GKAP1: variants seen among roughly 807,000 people sequenced by gnomAD.
GKAP1 encodes G kinase anchoring protein 1.
GKAP1 carries 31 observed loss-of-function variants against 56.7 expected under a neutral mutation model. That is an observed-to-expected ratio of 0.55 (90% confidence interval 0.41 to 0.74). GKAP1 has a LOEUF of 0.74. Among genes scored for constraint, GKAP1 ranks in the 30% least tolerant of loss-of-function variants. The pLI is 0.00. For synonymous variants in GKAP1, 151 were observed against 138.6 expected, an observed-to-expected ratio of 1.09 and a Z score of -0.63; for missense variants, 364 against 402.3, an observed-to-expected ratio of 0.90 and a Z score of 0.82.
intron 7 of GKAP1, among the ~76,000 whole-genome samples, chr9:83,779,471 A>ACACG (rs1564201465): frequency 2.4e-4 from 22 of 93,064 alleles, no homozygotes; most frequent in South Asian, 6.5e-4. Context: ...ACACGCACAT[A>ACACG]TACATATACA....
At chr9:83,804,628 G>T (rs1205978579) in intron 3 of GKAP1, among the ~76,000 whole-genome samples, 1 of 139,534 alleles carries the variant, frequency 7.2e-6, no homozygotes, top group Non-Finnish European at 1.6e-5. Context: ...AGGTGGGGGG[G>T]GTCAGCCCCC....
chr9:83,810,715 G>A (rs116486166), intron 2 of GKAP1, among the ~76,000 whole-genome samples: 1,964 of 152,270 alleles, frequency 0.013, 37 homozygotes, highest in African/African-American at 0.045. Context: ...GATCTCTCTT[G>A]AGTTGTTGTA....
chr9:83,755,068 T>C (rs1943451558), intron 8 of GKAP1, among the ~76,000 whole-genome samples: 2 of 152,172 alleles, frequency 1.3e-5, no homozygotes, highest in South Asian at 4.1e-4. Context: ...ACAATCTAAG[T>C]TTCTAGTTTA....
intron 2 of GKAP1, among the ~76,000 whole-genome samples, chr9:83,811,632 G>T (rs961206597): frequency 2.0e-5 from 3 of 152,160 alleles, no homozygotes; most frequent in African/African-American, 7.2e-5. Context: ...TAACATGTCT[G>T]AAAGGGTACT....
chr9:83,770,474 A>G (rs1303651816), intron 7 of GKAP1, among the ~76,000 whole-genome samples: 2 of 152,072 alleles, frequency 1.3e-5, no homozygotes, highest in East Asian at 3.9e-4. Context: ...TCTTAATCCT[A>G]TTCTATCAAT....
chr9:83,806,620 A>G (rs932470839), intron 2 of GKAP1, 60 bp from the exon 3 acceptor site: 1 of 922,606 alleles, frequency 1.1e-6, no homozygotes, highest in Non-Finnish European at 1.6e-6. Flanking sequence ...TCTGTTGTAG[A>G]TTCTAAAACA....
At chr9:83,799,064 A>G in intron 4 of GKAP1, 121 bp downstream of exon 4, 1 of 780,738 alleles carries the variant, frequency 1.3e-6, no homozygotes, top group Non-Finnish European at 2.1e-6. Context: ...AGCAACAAAT[A>G]TGAATTAATC....
At chr9:83,806,705 G>T in intron 2 of GKAP1, 145 bp from the exon 3 acceptor site, 1 of 548,410 alleles carries the variant, frequency 1.8e-6, no homozygotes, top group South Asian at 2.7e-5. Flanking sequence ...AGCACTATTA[G>T]CAATAACATA....
intron 3 of GKAP1, among the ~76,000 whole-genome samples, chr9:83,805,027 G>C (rs191131197): frequency 0.012 from 1,880 of 152,344 alleles, 40 homozygotes; most frequent in African/African-American, 0.041. Flanking sequence ...GGAATAGAAG[G>C]GGGGGAAAGG....
intron 2 of GKAP1, among the ~76,000 whole-genome samples, chr9:83,809,839 G>A (rs1322639456): frequency 4.6e-5 from 7 of 152,128 alleles, no homozygotes; most frequent in Non-Finnish European, 8.8e-5. Context: ...ACAGGGTCTC[G>A]CTCTGTCGCC....
chr9:83,788,341 T>G (rs1254236025), intron 5 of GKAP1, among the ~76,000 whole-genome samples: 1 of 152,170 alleles, frequency 6.6e-6, no homozygotes, highest in Admixed American at 6.6e-5. Context: ...AATTTTATTC[T>G]CTCTCTTCCC....
intron 12 of GKAP1, 56 bp downstream of exon 12, chr9:83,741,896 A>G: frequency 9.5e-7 from 1 of 1,048,760 alleles, no homozygotes; most frequent in Non-Finnish European, 1.4e-6. Context: ...CTCACACAGT[A>G]TCTACTCCAA....
intron 3 of GKAP1, among the ~76,000 whole-genome samples, chr9:83,800,262 T>C (rs1197455964): frequency 6.6e-6 from 1 of 150,836 alleles, no homozygotes; most frequent in African/African-American, 2.4e-5. Flanking sequence ...ATACTGCCTA[T>C]GAGTTAGCCC....
chr9:83,782,351 T>G (rs991521811), intron 6 of GKAP1, among the ~76,000 whole-genome samples: 6 of 151,534 alleles, frequency 4.0e-5, no homozygotes, highest in African/African-American at 1.5e-4. Context: ...TTTACTAATC[T>G]TGGATTTTTT....
intron 10 of GKAP1, 58 bp downstream of exon 10, chr9:83,748,251 T>G: frequency 8.7e-7 from 1 of 1,153,714 alleles, no homozygotes; most frequent in Non-Finnish European, 1.3e-6. Flanking sequence ...TTTGAAAAAG[T>G]ACCTTCAGAT....
Position 83,813,266 on chromosome 9 carries a change from C to G in GKAP1, c.-44+3730G>C, listed in dbSNP as rs1014004901. Reference sequence around the variant, plus strand: ...TTTATATACACATAATATAATTAAGCCATACAATGCAAATGAAAATACAAT... The same window carrying G: ...TTTATATACACATAATATAATTAAGGCATACAATGCAAATGAAAATACAAT... On this transcript the variant is annotated intron_variant, in intron 2 of 12. Transcript: ENST00000376371. Among the ~76,000 whole-genome samples the G allele has an allele frequency of 1.6e-4, 24 of 152,082 alleles. 1 individual carries two copies. The highest frequency in any genetic ancestry group is 5.6e-4 in the African/African-American group (23 of 41,384).
In GKAP1 at chr9:83,774,697, AC is replaced by A. The variant is rs201169255; in HGVS notation, c.585+5684del. ...CAAAAGAAACTATCAATAAACAGAA[AC>A]CCCCTTTTTTTTTTTTTTTTTTTTT... On this transcript the variant is annotated intron_variant, in intron 7 of 12. Coordinates refer to ENST00000376371, the MANE Select transcript of GKAP1 (RefSeq NM_025211.4). 5.0e-3 allele frequency among the ~76,000 whole-genome samples: 531 copies of A among 107,220 alleles called. 69 individuals are homozygous for A. Among genetic ancestry groups the A allele is most frequent in the African/African-American group, 0.011 (331 of 30,098 alleles). 70.3% of individuals were successfully genotyped at this position (107,220 alleles called of 152,430 possible).
intron 8 of GKAP1, among the ~76,000 whole-genome samples, chr9:83,763,261 T>C (rs2131259578): frequency 1.3e-5 from 2 of 152,172 alleles, no homozygotes; most frequent in Admixed American, 1.3e-4. Flanking sequence ...AGTTACAAAG[T>C]AGAAGGATGG....
chr9:83,789,327 A>C (rs1010258236), intron 4 of GKAP1, among the ~76,000 whole-genome samples: 3 of 152,196 alleles, frequency 2.0e-5, no homozygotes, highest in Non-Finnish European at 2.9e-5. Flanking sequence ...CTCCAATCCA[A>C]TTAATCTCTA....
Sources: gnomAD v4.1 joint callset for allele counts (sites outside exome capture counted in the v4.1 genomes callset) on GRCh38, gnomAD v4.1.1 for gene constraint, MANE v1.5 for transcripts, NCBI Gene and HGNC (gene_info 2026-07-23, HGNC 2026-07-21) for gene names.